The following KIF1C variants were observed in gnomAD, a reference collection of about 807,000 sequenced individuals.
The protein encoded by KIF1C is kinesin-like protein KIF1C.
KIF1C carries 61 observed loss-of-function variants against 126.5 expected under a neutral mutation model. That is an observed-to-expected ratio of 0.48 (90% confidence interval 0.39 to 0.60). The LOEUF (loss-of-function observed/expected upper bound fraction) is 0.60. Ranked by LOEUF, KIF1C falls within the 20% of genes least tolerant of loss-of-function variation. The pLI, the probability that KIF1C is intolerant of heterozygous loss-of-function variation, is 0.00. For missense variants in KIF1C, 1,315 were observed against 1,489.2 expected (o/e 0.88, Z 1.93); for synonymous variants, 640 against 580.6 (o/e 1.10, Z -1.47).
chr17:5,012,990 G>A (rs1418609966), intron 16 of KIF1C, among the ~76,000 whole-genome samples: 1 of 152,180 alleles, frequency 6.6e-6, no homozygotes, highest in Non-Finnish European at 1.5e-5. Flanking sequence ...GGCGGGTGCT[G>A]CAGGGACCCA....
At chr17:5,011,017 T>C (rs1377638882) in intron 16 of KIF1C, among the ~76,000 whole-genome samples, 1 of 152,016 alleles carries the variant, frequency 6.6e-6, no homozygotes, top group Non-Finnish European at 1.5e-5. Flanking sequence ...AAGGGTAACA[T>C]ACAAGAGAGC....
Position 5,023,776 on chromosome 17 carries a change from C to T in KIF1C, c.2937C>T (p.Phe979=), listed in dbSNP as rs778939599. The stretch of plus-strand genomic sequence containing the variant: ...CCCCTCACGACTGCAAGCTACGCTT[C>T]CCCTTCAAGAGCAACCCCCAGCACC... ...FVPPHDCKLR[F]PFKSNPQHRE... is the part of the protein sequence containing the mutation. The change falls in exon 23 of 23, where the codon TTC becomes TTT. Residue 979 remains phenylalanine, a synonymous_variant. Coordinates refer to ENST00000320785, the MANE Select transcript of KIF1C (RefSeq NM_006612.6). This position sits in a 1 kb window ranked among gnomAD's most constrained non-coding sequence, Gnocchi z 4.2. The T allele has an allele frequency of 4.6e-6, 7 of 1,521,950 alleles. No homozygotes were observed. The highest frequency in any genetic ancestry group is 6.2e-6 in the Non-Finnish European group (7 of 1,137,882). The allele number at this position is 1,521,950 out of a possible 1,614,324, so 94.3% of individuals were successfully genotyped here.
Position 5,022,781 on chromosome 17 carries a change from CAG to C in KIF1C, c.2628+75_2628+76del. On this transcript the variant is annotated intron_variant, in intron 22 of 22. Transcript: ENST00000320785. This position sits in a 1 kb window ranked among gnomAD's most constrained non-coding sequence, Gnocchi z 4.9. ...CTTTAGGAGTCTGAACCTTCCATCT[CAG>C]AGCCTAACCTTCCCCAAGTCTGGAA... 1 of 1,416,444 alleles carries C rather than the reference CAG, an allele frequency of 7.1e-7. No individual in the cohort carries two copies. The highest frequency in any genetic ancestry group is 9.2e-7 in the Non-Finnish European group (1 of 1,089,398). 87.7% of individuals were successfully genotyped at this position (1,416,444 alleles called of 1,614,324 possible).
In KIF1C at chr17:5,025,809, G is replaced by C. The variant is rs1278187457; in HGVS notation, c.*1658G>C. On this transcript the variant is annotated 3_prime_UTR_variant, in exon 23 of 23. Coordinates refer to ENST00000320785, the MANE Select transcript of KIF1C (RefSeq NM_006612.6). ...CACTCCAGCCTGGGCGACAGAGCGAGACTCCATTTCAAGAAAAATTAAAAA... is the reference window on the plus strand; with the variant it reads ...CACTCCAGCCTGGGCGACAGAGCGACACTCCATTTCAAGAAAAATTAAAAA... 2.0e-5 allele frequency: 3 copies of C among 152,210 alleles called. No individual in the cohort carries two copies. The highest frequency in any genetic ancestry group is 4.8e-5 in the African/African-American group (2 of 41,444). 9.4% of individuals were successfully genotyped at this position (152,210 alleles called of 1,614,324 possible). A position where few individuals can be genotyped will look rare whatever the true frequency, so the allele number is the denominator to read the frequency against.
intron 18 of KIF1C, among the ~76,000 whole-genome samples, chr17:5,018,950 T>C (rs1163780112): frequency 6.6e-6 from 1 of 152,090 alleles, no homozygotes; most frequent in Non-Finnish European, 1.5e-5. Context: ...AAGGTGGGGA[T>C]AGATGGCACC....
intron 1 of KIF1C, chr17:4,999,134 A>AGGG: frequency 6.6e-6 from 1 of 152,618 alleles, no homozygotes; most frequent in African/African-American, 2.4e-5. Context: ...ATTGTCCCGG[A>AGGG]TCCTGAGGAG....
At position 5,003,786 on chromosome 17, in the gene KIF1C, G is replaced by C. The variant is rs149736686; in HGVS notation, c.799-65G>C. 2.6e-5 allele frequency: 40 copies of C among 1,563,168 alleles called. No individual in the cohort carries two copies. The Admixed American group carries it at 6.7e-4, about 26-fold the overall frequency. On this transcript the variant is annotated intron_variant, in intron 9 of 22. Transcript: ENST00000320785. ...ACCTGAGACTCTCACTGGGGAGGTA[G>C]GAAGCGGAAGTGGATCACATTGGGA...
intron 18 of KIF1C, 97 bp from the exon 19 acceptor site, chr17:5,019,899 G>T (rs1193930581): frequency 1.2e-6 from 1 of 865,502 alleles, no homozygotes; most frequent in African/African-American, 1.7e-5. Flanking sequence ...GGTGGTGCAT[G>T]TGTGGTTTTT....
chr17:5,014,201 A>G (rs542622535), intron 17 of KIF1C: 192 of 175,728 alleles, frequency 1.1e-3, no homozygotes, highest in Middle Eastern at 2.7e-3. Flanking sequence ...CACCACAGGC[A>G]TTCGTGGCTG....
rs146679209 is a variant in KIF1C at position 5,022,562 on chromosome 17, G to A, written c.2481G>A (p.Gly827=). 4.8e-4 allele frequency: 758 copies of A among 1,594,470 alleles called. No homozygotes were observed. The highest frequency in any genetic ancestry group is 6.3e-4 in the Non-Finnish European group (733 of 1,170,334). The change falls in exon 22 of 23, where the codon GGG becomes GGA. Residue 827 remains glycine (G), a synonymous_variant. Transcript: ENST00000320785. This position sits in a 1 kb window ranked among gnomAD's most constrained non-coding sequence, Gnocchi z 4.9. ...GTGGCAGTGAGGAGGGAGCCCGAGG[G>A]GCGGAGGTGGAGGACCTCCGGGCCC... ...SGGGSEEGAR[G]AEVEDLRAHI... is the part of the protein sequence containing the mutation.
In KIF1C at chr17:5,024,133, G is replaced by A. The variant is rs368230467; in HGVS notation, c.3294G>A (p.Glu1098=). ...AGCGTTCTGCCCCTGACCTCAAGGA[G>A]AGTGGGGCAGCTGTGTGAGTCCCAC... is the stretch of plus-strand genomic sequence containing the variant. ...RRQRSAPDLK[E]SGAAV is the part of the protein sequence containing the mutation. The change falls in exon 23 of 23, where the codon GAG becomes GAA. Residue 1098 remains glutamate (E), a synonymous_variant. Transcript: ENST00000320785. 1 of 1,610,246 alleles carries A rather than the reference G, an allele frequency of 6.2e-7. No individual in the cohort carries two copies. The highest frequency in any genetic ancestry group is 8.5e-7 in the Non-Finnish European group (1 of 1,178,314).
In KIF1C at chr17:5,002,646, A is replaced by G. The variant is rs777535054; in HGVS notation, c.608+4A>G. On this transcript the variant is annotated splice_donor_region_variant and intron_variant, in intron 7 of 22. Coordinates refer to ENST00000320785, the MANE Select transcript of KIF1C (RefSeq NM_006612.6). The stretch of plus-strand genomic sequence containing the variant: ...TGGACTGTGGAAATAAAGCACGGTG[A>G]GGCAGGCTGATGGAGCAGAGGGCAA... 1 of 1,611,634 alleles carries G rather than the reference A, an allele frequency of 6.2e-7. No homozygotes were observed. Among genetic ancestry groups the G allele is most frequent in the Non-Finnish European group, 8.5e-7 (1 of 1,177,924 alleles).
In KIF1C at chr17:5,023,853, C is replaced by A. The variant is rs1946495998; in HGVS notation, c.3014C>A (p.Pro1005His). 2 of 1,526,280 alleles carry A rather than the reference C, an allele frequency of 1.3e-6. No individual in the cohort carries two copies. The highest frequency in any genetic ancestry group is 1.4e-5 in the African/African-American group (1 of 71,914). The allele number at this position is 1,526,280 out of a possible 1,614,324, so 94.5% of individuals were successfully genotyped here. Reference protein sequence around the residue: ...GSGEAPTPLQPPEEVTPHPAT... With the variant: ...GSGEAPTPLQHPEEVTPHPAT... ...GGGGAGGCTCCAACTCCGCTCCAACCCCCTGAGGAGGTCACTCCCCATCCA... is the reference window on the plus strand; with the variant it reads ...GGGGAGGCTCCAACTCCGCTCCAACACCCTGAGGAGGTCACTCCCCATCCA... Residue 1005 changes from proline to histidine, a missense_variant, in exon 23 of 23, where the codon CCC becomes CAC. This residue lies in a region of KIF1C where 441 missense variants were observed against 436.1 expected (regional missense o/e 1.01). Coordinates refer to ENST00000320785, the MANE Select transcript of KIF1C (RefSeq NM_006612.6). This position sits in a 1 kb window ranked among gnomAD's most constrained non-coding sequence, Gnocchi z 4.2.
intron 18 of KIF1C, chr17:5,019,499 G>A (rs1975045325): frequency 5.7e-6 from 1 of 174,462 alleles, no homozygotes; most frequent in Non-Finnish European, 1.4e-5. Flanking sequence ...GGGTTGGGTT[G>A]ACTTTCTCTT....
At position 5,023,754 on chromosome 17, in the gene KIF1C, C is replaced by A; in HGVS notation, c.2915C>A (p.Pro972His). The part of the protein sequence containing the change: ...LRRPPARFVP[P>H]HDCKLRFPFK... ...AGGCCCCCAGCCCGCTTTGTGCCCC[C>A]TCACGACTGCAAGCTACGCTTCCCC... The change falls in exon 23 of 23, where the codon CCT becomes CAT. Residue 972 changes from proline to histidine, a missense_variant. Pro to His is a moderately conservative substitution (Grantham distance 77). Around this residue, in one of 2 missense-constraint regions of KIF1C, gnomAD observed 441 missense variants for 436.1 expected, o/e 1.01. Coordinates refer to ENST00000320785, the MANE Select transcript of KIF1C (RefSeq NM_006612.6). This position sits in a 1 kb window ranked among gnomAD's most constrained non-coding sequence, Gnocchi z 4.2. 6.6e-7 allele frequency: 1 copy of A among 1,523,444 alleles called. No homozygotes were observed. Among genetic ancestry groups the A allele is most frequent in the East Asian group, 2.3e-5 (1 of 44,150 alleles). The allele number at this position is 1,523,444 out of a possible 1,614,324, so 94.4% of individuals were successfully genotyped here. A position where few individuals can be genotyped will look rare whatever the true frequency, so the allele number is the denominator to read the frequency against.
intron 16 of KIF1C, among the ~76,000 whole-genome samples, chr17:5,010,501 C>G (rs1194492217): frequency 6.6e-6 from 1 of 152,004 alleles, no homozygotes; most frequent in Non-Finnish European, 1.5e-5. Flanking sequence ...GTAATCCCAG[C>G]ACTTTGGGAG....
intron 16 of KIF1C, among the ~76,000 whole-genome samples, chr17:5,009,144 C>A (rs1436252104): frequency 1.3e-5 from 2 of 150,928 alleles, no homozygotes; most frequent in African/African-American, 4.9e-5. Context: ...CCATCCTTCC[C>A]ACCCTTAAGT....
Position 5,022,156 on chromosome 17 carries a change from T to C in KIF1C, c.2075T>C (p.Ile692Thr), listed in dbSNP as rs1168790116. 6 of 1,613,740 alleles carry C rather than the reference T, an allele frequency of 3.7e-6. No individual in the cohort carries two copies. The highest frequency in any genetic ancestry group is 5.1e-6 in the Non-Finnish European group (6 of 1,179,828). Reference sequence around the variant, plus strand: ...TCTTGTGAAGAGAGCTGGAGGCTCATCTCCTCCTTGCGGGAGCAGCTGCCG... The same window carrying C: ...TCTTGTGAAGAGAGCTGGAGGCTCACCTCCTCCTTGCGGGAGCAGCTGCCG... Reference protein sequence around the residue: ...KRSCEESWRLISSLREQLPPT... With the variant: ...KRSCEESWRLTSSLREQLPPT... Residue 692 changes from isoleucine to threonine, a missense_variant, in exon 22 of 23, where the codon ATC becomes ACC. This residue lies in a region of KIF1C where 874 missense variants were observed against 1,053.2 expected (regional missense o/e 0.83). Transcript: ENST00000320785. The surrounding 1 kb of genome is among the most constrained non-coding windows in gnomAD (Gnocchi z 4.9).
rs1365644708 is a variant in KIF1C at position 5,025,506 on chromosome 17, GTTATT to G, written c.*1362_*1366del. 2 of 152,142 alleles carry G rather than the reference GTTATT, an allele frequency of 1.3e-5. No homozygotes were observed. Among genetic ancestry groups the G allele is most frequent in the African/African-American group, 4.8e-5 (2 of 41,404 alleles). 9.4% of individuals were successfully genotyped at this position (152,142 alleles called of 1,614,324 possible). ...GCAGGCTACATCATTGTTCCCAGTC[GTTATT>G]TTATTTGTGTTAAGACTGTTTGTTG... On this transcript the variant is annotated 3_prime_UTR_variant, in exon 23 of 23. Transcript: ENST00000320785.
Sources: gnomAD v4.1 joint callset for allele counts (sites outside exome capture counted in the v4.1 genomes callset) on GRCh38, gnomAD v4.1.1 for gene constraint, gnomAD v4.1.1 regional missense constraint, Gnocchi (gnomAD v3.1) non-coding constraint, MANE v1.5 for transcripts, NCBI Gene and HGNC (gene_info 2026-07-23, HGNC 2026-07-21) for gene names.